The following DYNC1H1 variants were observed in gnomAD, a reference collection of about 807,000 sequenced individuals.
DYNC1H1 encodes the protein cytoplasmic dynein 1 heavy chain 1.
In DYNC1H1, 51 loss-of-function variants were observed where a neutral mutation model predicts 527.1. The observed-to-expected ratio is 0.10, with a 90% confidence interval of 0.08 to 0.12. DYNC1H1 has a LOEUF of 0.12. Among genes scored for constraint, DYNC1H1 ranks in the 10% least tolerant of loss-of-function variants. The pLI is 1.00. For synonymous variants in DYNC1H1, 2,189 were observed against 2,278.8 expected, an observed-to-expected ratio of 0.96 and a Z score of 1.12; for missense variants, 2,771 against 5,971.8, an observed-to-expected ratio of 0.46 and a Z score of 17.66.
Position 102,029,467 on chromosome 14 carries a change from G to A in DYNC1H1, c.9469-72G>A. The stretch of plus-strand genomic sequence containing the variant: ...TATCATGTCACACCCATCTGCCAAG[G>A]CCAAAATTGTTTTCTGAGGTTAAGT... On this transcript the variant is annotated intron_variant, in intron 48 of 77. Coordinates refer to ENST00000360184, the MANE Select transcript of DYNC1H1 (RefSeq NM_001376.5). This position sits in a 1 kb window ranked among gnomAD's most constrained non-coding sequence, Gnocchi z 5.3. 1 of 1,607,310 alleles carries A rather than the reference G, an allele frequency of 6.2e-7. No homozygotes were observed. Among genetic ancestry groups the A allele is most frequent in the Non-Finnish European group, 8.5e-7 (1 of 1,176,448 alleles).
At chr14:102,040,982 G>C (rs2048642372) in intron 64 of DYNC1H1, 5 of 464,892 alleles carry the variant, frequency 1.1e-5, no homozygotes, top group Non-Finnish European at 2.0e-5. Flanking sequence ...TGATTCCCAA[G>C]ATAAGTATTT....
chr14:102,029,703 A>G lies in DYNC1H1; in HGVS notation c.9633A>G (p.Thr3211=). 2 of 1,614,236 alleles carry G rather than the reference A, an allele frequency of 1.2e-6. No individual in the cohort carries two copies. The highest frequency in any genetic ancestry group is 1.7e-6 in the Non-Finnish European group (2 of 1,180,036). The part of the protein sequence containing the change: ...LNVGLRKIKE[T]VDQVEELRRD... ...TGGGGCTCAGGAAGATCAAAGAGAC[A>G]GTCGACCAGGTGCGTCACAGGCACA... is the stretch of plus-strand genomic sequence containing the variant. Residue 3211 remains threonine, a synonymous_variant, in exon 49 of 78, where the codon ACA becomes ACG. Coordinates refer to ENST00000360184, the MANE Select transcript of DYNC1H1 (RefSeq NM_001376.5). This position sits in a 1 kb window ranked among gnomAD's most constrained non-coding sequence, Gnocchi z 5.3.
chr14:101,992,110 A>G (rs1427171833), intron 11 of DYNC1H1, among the ~76,000 whole-genome samples: 1 of 152,148 alleles, frequency 6.6e-6, no homozygotes, highest in African/African-American at 2.4e-5. Flanking sequence ...CAGATATAAT[A>G]TACTCTTAGT....
At chr14:102,007,194 C>T in intron 28 of DYNC1H1, 86 bp downstream of exon 28, 2 of 1,416,254 alleles carry the variant, frequency 1.4e-6, no homozygotes, top group Non-Finnish European at 2.0e-6. Context: ...TCTCTCAAAG[C>T]CATTGGTCTT....
At position 102,016,776 on chromosome 14, in the gene DYNC1H1, G is replaced by A. The variant is rs769101846; in HGVS notation, c.7625G>A (p.Ser2542Asn). The change falls in exon 38 of 78, where the codon AGC (serine) becomes AAC (asparagine). Residue 2542 changes from serine (S) to asparagine (N), a missense_variant. This residue lies in a region of DYNC1H1 where 71 missense variants were observed against 143.6 expected (regional missense o/e 0.49). Transcript: ENST00000360184. This position sits in a 1 kb window ranked among gnomAD's most constrained non-coding sequence, Gnocchi z 7.3. The stretch of plus-strand genomic sequence containing the variant: ...CATCTCCGTGTGTAGGTGTCCATCA[G>A]CGGAGAATGGTCTCCGTGGCAGGCC... ...IPIIDYEVSI[S>N]GEWSPWQAKV... 4 of 1,613,740 alleles carry A rather than the reference G, an allele frequency of 2.5e-6. No individual in the cohort carries two copies. The South Asian group carries it at 4.4e-5, about 18-fold the overall frequency.
rs1232738155 is a variant in DYNC1H1, at chr14:102,056,228, G to C, written c.*5665G>C. On this transcript the variant is annotated 3_prime_UTR_variant, in exon 78 of 78. Transcript: ENST00000360184. ...CAGGCATTGTATGGAAGAACATCGT[G>C]AGACTCCCTGCTCTGTTCTGTTTCA... The C allele has an allele frequency of 6.6e-6, 1 of 152,226 alleles. No homozygotes were observed. Among genetic ancestry groups the C allele is most frequent in the Non-Finnish European group, 1.5e-5 (1 of 68,046 alleles). 9.4% of individuals were successfully genotyped at this position (152,226 alleles called of 1,614,324 possible).
rs573171379 is a variant in DYNC1H1, at chr14:102,032,882, C to G, written c.10080-183C>G. On this transcript the variant is annotated intron_variant, in intron 52 of 77. Coordinates refer to ENST00000360184, the MANE Select transcript of DYNC1H1 (RefSeq NM_001376.5). ...AAAAAGAAGAAAGAAAAAAATTGTT[C>G]AAGTGTTGAGCACATTTTCAGCTTT... 3.4e-5 allele frequency: 22 copies of G among 653,496 alleles called. No homozygotes were observed. In the South Asian group the frequency reaches 3.4e-4, roughly 10 times the overall value. 40.5% of individuals were successfully genotyped at this position (653,496 alleles called of 1,614,324 possible).
chr14:102,040,004 A>AT (rs1005932023), intron 62 of DYNC1H1, among the ~76,000 whole-genome samples: 39 of 151,742 alleles, frequency 2.6e-4, no homozygotes, highest in African/African-American at 9.0e-4. Flanking sequence ...CATCTGGCTA[A>AT]TTTTTTTTGT....
chr14:102,027,006 TG>T lies in DYNC1H1; in HGVS notation c.8772-166del. ...TCTAGAGGACAGGACCGTGTCTTAC[TG>T]GTCTTTGCATTCCTCCTGGACTTCA... On this transcript the variant is annotated intron_variant, in intron 44 of 77. Transcript: ENST00000360184. The surrounding 1 kb of genome is among the most constrained non-coding windows in gnomAD (Gnocchi z 7.7). 1 of 890,654 alleles carries T rather than the reference TG, an allele frequency of 1.1e-6. No homozygotes were observed. The highest frequency in any genetic ancestry group is 1.9e-6 in the Non-Finnish European group (1 of 540,444). The allele number at this position is 890,654 out of a possible 1,614,324, so 55.2% of individuals were successfully genotyped here.
chr14:102,033,693 CT>C lies in DYNC1H1; in HGVS notation c.10413+213del. ...AGGATAGATTGATACAAACTGGACA[CT>C]TTTCAGCCGTTGAATCCCCCACCAG... On this transcript the variant is annotated intron_variant, in intron 54 of 77. Coordinates refer to ENST00000360184, the MANE Select transcript of DYNC1H1 (RefSeq NM_001376.5). This position sits in a 1 kb window ranked among gnomAD's most constrained non-coding sequence, Gnocchi z 5.6. 1.4e-6 allele frequency: 1 copy of C among 732,828 alleles called. No individual in the cohort carries two copies. The highest frequency in any genetic ancestry group is 2.3e-6 in the Non-Finnish European group (1 of 440,892). 45.4% of individuals were successfully genotyped at this position (732,828 alleles called of 1,614,324 possible). A position where few individuals can be genotyped will look rare whatever the true frequency, so the allele number is the denominator to read the frequency against.
Position 102,033,608 on chromosome 14 carries a change from C to T in DYNC1H1, c.10413+124C>T. On this transcript the variant is annotated intron_variant, in intron 54 of 77. Transcript: ENST00000360184. This position sits in a 1 kb window ranked among gnomAD's most constrained non-coding sequence, Gnocchi z 5.6. ...TTCGCTCTTTAACATCTGTAAGGCC[C>T]CGGAGGACTTTTTTCCTGGAAAATA... 7.7e-7 allele frequency: 1 copy of T among 1,290,482 alleles called. No individual in the cohort carries two copies. The highest frequency in any genetic ancestry group is 2.5e-5 in the East Asian group (1 of 39,812). The allele number at this position is 1,290,482 out of a possible 1,614,324, so 79.9% of individuals were successfully genotyped here. A position where few individuals can be genotyped will look rare whatever the true frequency, so the allele number is the denominator to read the frequency against.
Position 102,041,313 on chromosome 14 carries a change from C to A in DYNC1H1, c.11942-261C>A. 1.9e-6 allele frequency: 1 copy of A among 527,888 alleles called. No homozygotes were observed. Among genetic ancestry groups the A allele is most frequent in the Non-Finnish European group, 3.4e-6 (1 of 290,854 alleles). The allele number at this position is 527,888 out of a possible 1,614,324, so 32.7% of individuals were successfully genotyped here. ...CCTTCAGGTGTTCTCAGGAAGTGAG[C>A]AGGTATTAGTTTAGTAATCTAAAAA... On this transcript the variant is annotated intron_variant, in intron 64 of 77. Coordinates refer to ENST00000360184, the MANE Select transcript of DYNC1H1 (RefSeq NM_001376.5). This position sits in a 1 kb window ranked among gnomAD's most constrained non-coding sequence, Gnocchi z 4.5.
chr14:102,050,687 G>A lies in DYNC1H1; in HGVS notation c.*124G>A. The A allele has an allele frequency of 6.7e-7, 1 of 1,487,566 alleles. No individual in the cohort carries two copies. The highest frequency in any genetic ancestry group is 9.3e-7 in the Non-Finnish European group (1 of 1,080,058). 92.1% of individuals were successfully genotyped at this position (1,487,566 alleles called of 1,614,324 possible). ...GGTTGGTCTGAGGTTGGAGGAAGCTGAATGGAATCTGACGGTTGGGAGTGG... is the reference window on the plus strand; with the variant it reads ...GGTTGGTCTGAGGTTGGAGGAAGCTAAATGGAATCTGACGGTTGGGAGTGG... On this transcript the variant is annotated 3_prime_UTR_variant, in exon 78 of 78. Transcript: ENST00000360184.
intron 44 of DYNC1H1, 46 bp downstream of exon 44, chr14:102,026,753 C>T: frequency 6.2e-7 from 1 of 1,603,032 alleles, no homozygotes; most frequent in Admixed American, 1.7e-5. Context: ...CTAAGCTGCT[C>T]TTGAGTAAGT....
At chr14:101,988,581 T>C (rs1408222478) in intron 9 of DYNC1H1, 122 bp from the exon 10 acceptor site, 9 of 1,263,902 alleles carry the variant, frequency 7.1e-6, no homozygotes, top group Non-Finnish European at 1.0e-5. Flanking sequence ...AAGAGAGATA[T>C]GAAGGCTTCT....
In DYNC1H1 at chr14:102,012,234, C is replaced by G. The variant is rs1295361235; in HGVS notation, c.6858-80C>G. ...AGTCTGAGCAAATTAAAGGTCATTT[C>G]AGAAACCATCATCGGTAAACATGCC... On this transcript the variant is annotated intron_variant, in intron 33 of 77. Coordinates refer to ENST00000360184, the MANE Select transcript of DYNC1H1 (RefSeq NM_001376.5). This position sits in a 1 kb window ranked among gnomAD's most constrained non-coding sequence, Gnocchi z 4.9. 2 of 1,612,736 alleles carry G rather than the reference C, an allele frequency of 1.2e-6. No individual in the cohort carries two copies. The highest frequency in any genetic ancestry group is 2.7e-5 in the African/African-American group (2 of 74,904).
chr14:102,007,524 T>C (rs2048210566), intron 28 of DYNC1H1, among the ~76,000 whole-genome samples: 1 of 152,194 alleles, frequency 6.6e-6, no homozygotes, highest in Non-Finnish European at 1.5e-5. Flanking sequence ...TCTGTCATGA[T>C]AACGGCTGTT....
At position 102,007,178 on chromosome 14, in the gene DYNC1H1, C is replaced by T. The variant is rs1009732829; in HGVS notation, c.5817+70C>T. On this transcript the variant is annotated intron_variant, in intron 28 of 77. Coordinates refer to ENST00000360184, the MANE Select transcript of DYNC1H1 (RefSeq NM_001376.5). ...GGATCATTTGGGGAATATCAAGCTC[C>T]GTACCTCTCTCAAAGCCATTGGTCT... 25 of 1,517,676 alleles carry T rather than the reference C, an allele frequency of 1.6e-5. No individual in the cohort carries two copies. The Admixed American group carries it at 2.2e-4, about 14-fold the overall frequency. 94.0% of individuals were successfully genotyped at this position (1,517,676 alleles called of 1,614,324 possible).
chr14:102,001,684 G>T lies in DYNC1H1; in HGVS notation c.4542+3G>T, dbSNP rs765517796. On this transcript the variant is annotated splice_donor_region_variant and intron_variant, in intron 21 of 77. Transcript: ENST00000360184. This position sits in a 1 kb window ranked among gnomAD's most constrained non-coding sequence, Gnocchi z 5.0. ...TGAAGCTCTCTCCGTATTACAAGGT[G>T]CTGTTGCTGGGGAAGCTTTCCCTCC... The T allele has an allele frequency of 2.5e-6, 4 of 1,613,926 alleles. No homozygotes were observed. The East Asian group carries it at 6.7e-5, about 27-fold the overall frequency.
Sources: gnomAD v4.1 joint callset for allele counts (sites outside exome capture counted in the v4.1 genomes callset) on GRCh38, gnomAD v4.1.1 for gene constraint, gnomAD v4.1.1 regional missense constraint, Gnocchi (gnomAD v3.1) non-coding constraint, MANE v1.5 for transcripts, NCBI Gene and HGNC (gene_info 2026-07-23, HGNC 2026-07-21) for gene names.